Variants in TENM4 observed in about 807,000 individuals in gnomAD.
The protein encoded by TENM4 is teneurin transmembrane protein 4, also known as teneurin-4.
In TENM4, 82 loss-of-function variants were observed where a neutral mutation model predicts 243.3. The ratio of observed to expected loss-of-function variants is 0.34; its 90% CI spans 0.28 to 0.40. The LOEUF is 0.40. TENM4 is among the 10% of genes least tolerant of loss of function. The probability of loss-of-function intolerance (pLI) is 1.00; values close to 1 mark genes in which losing one functional copy is unlikely to be tolerated. For synonymous variants in TENM4, 1,412 were observed against 1,456.3 expected (o/e 0.97, Z 0.69); for missense variants, 3,138 against 3,673.3 (o/e 0.85, Z 3.77).
intron 28 of TENM4, among the ~76,000 whole-genome samples, chr11:78,693,939 C>T (rs908631595): frequency 2.0e-5 from 3 of 152,018 alleles, no homozygotes; most frequent in East Asian, 3.9e-4. Context: ...TGATTGAACC[C>T]GGGAGACAGA....
intron 6 of TENM4, among the ~76,000 whole-genome samples, chr11:79,053,096 A>T (rs1030329291): frequency 3.9e-5 from 6 of 152,246 alleles, no homozygotes. Flanking sequence ...ACAAGAAGAT[A>T]GTAATTATAT....
chr11:78,917,659 C>T (rs1339006492), intron 6 of TENM4, among the ~76,000 whole-genome samples: 1 of 152,134 alleles, frequency 6.6e-6, no homozygotes, highest in East Asian at 1.9e-4. Context: ...AATAATAATA[C>T]CAATGATGGC....
intron 18 of TENM4, among the ~76,000 whole-genome samples, chr11:78,763,037 C>T (rs767265285): frequency 3.9e-5 from 6 of 152,118 alleles, no homozygotes; most frequent in Non-Finnish European, 8.8e-5. Flanking sequence ...ATATATCATA[C>T]GTAAGTTGGT....
intron 29 of TENM4, 148 bp downstream of exon 29, chr11:78,687,906 T>G: frequency 1.2e-6 from 1 of 808,904 alleles, no homozygotes; most frequent in Non-Finnish European, 1.9e-6. Flanking sequence ...GGCTGGTATA[T>G]TTTGCAAATT....
Position 78,686,071 on chromosome 11 carries a change from A to G in TENM4, c.5260+1983T>C, listed in dbSNP as rs546350050. Among the ~76,000 whole-genome samples the G allele has an allele frequency of 2.0e-5, 3 of 152,352 alleles. No homozygotes were observed. The South Asian group carries it at 6.2e-4, about 32-fold the overall frequency. ...CAGGACTCTAATCTGACTGTGGGTC[A>G]TAAGACGTACTTTCAGAGGGGATCC... On this transcript the variant is annotated intron_variant, in intron 29 of 33. Coordinates refer to ENST00000278550, the MANE Select transcript of TENM4 (RefSeq NM_001098816.3).
intron 3 of TENM4, among the ~76,000 whole-genome samples, chr11:79,177,027 C>G (rs544720904): frequency 6.6e-6 from 1 of 152,166 alleles, no homozygotes; most frequent in Non-Finnish European, 1.5e-5. Flanking sequence ...ATACCCCTGA[C>G]AGACTAAACT....
At chr11:79,223,026 C>T (rs1192696311) in intron 2 of TENM4, among the ~76,000 whole-genome samples, 1 of 152,004 alleles carries the variant, frequency 6.6e-6, no homozygotes, top group Non-Finnish European at 1.5e-5. Flanking sequence ...ATAGCTAATG[C>T]ATGTGGGGAT....
chr11:78,802,425 G>A (rs181553244), intron 15 of TENM4, among the ~76,000 whole-genome samples: 24 of 152,378 alleles, frequency 1.6e-4, no homozygotes, highest in Admixed American at 9.1e-4. Context: ...GAAGCAGGGT[G>A]GAACCCAGGC....
rs148031912 is a variant in TENM4 at position 78,743,334 on chromosome 11, T to C, written c.2757-4764A>G. ...AAGACAGGGACCAACCACATGTCCC[T>C]TACTGCTATATTCCCAGCATTGATC... On this transcript the variant is annotated intron_variant, in intron 19 of 33. Coordinates refer to ENST00000278550, the MANE Select transcript of TENM4 (RefSeq NM_001098816.3). Among the ~76,000 whole-genome samples, 3 of 152,194 alleles carry C rather than the reference T, an allele frequency of 2.0e-5. No individual in the cohort carries two copies. In the East Asian group the frequency reaches 5.8e-4, roughly 29 times the overall value.
intron 6 of TENM4, among the ~76,000 whole-genome samples, chr11:78,968,037 C>T (rs557390498): frequency 2.2e-4 from 34 of 152,288 alleles, no homozygotes; most frequent in South Asian, 8.3e-4. Context: ...TTATGAATGA[C>T]GTGGTGCCCT....
At chr11:79,223,689 T>A (rs1163679801) in intron 2 of TENM4, among the ~76,000 whole-genome samples, 3 of 152,108 alleles carry the variant, frequency 2.0e-5, no homozygotes, top group Non-Finnish European at 4.4e-5. Flanking sequence ...TAAACCACAG[T>A]GTTTTTAACA....
chr11:79,025,585 T>A (rs897131666), intron 6 of TENM4, among the ~76,000 whole-genome samples: 6 of 152,186 alleles, frequency 3.9e-5, no homozygotes, highest in African/African-American at 1.4e-4. Context: ...GGTATTATTA[T>A]TATCTCTATT....
At chr11:79,375,869 GT>G (rs752530424) in intron 1 of TENM4, among the ~76,000 whole-genome samples, 5 of 152,188 alleles carry the variant, frequency 3.3e-5, no homozygotes, top group Non-Finnish European at 4.4e-5. Flanking sequence ...AGGGGGCGGT[GT>G]GGCTGGCAGT....
intron 1 of TENM4, among the ~76,000 whole-genome samples, chr11:79,404,828 T>A (rs1858533867): frequency 6.6e-6 from 1 of 151,662 alleles, no homozygotes; most frequent in South Asian, 2.1e-4. Context: ...TGGGGAATTG[T>A]AGAGCCGTAG....
At chr11:79,342,932 C>G (rs570307825) in intron 1 of TENM4, among the ~76,000 whole-genome samples, 1 of 152,352 alleles carries the variant, frequency 6.6e-6, no homozygotes, top group Admixed American at 6.5e-5. Context: ...CAAAACTGGG[C>G]CTCTGGGGGG....
At chr11:79,110,734 T>G (rs887565294) in intron 4 of TENM4, among the ~76,000 whole-genome samples, 5 of 152,134 alleles carry the variant, frequency 3.3e-5, no homozygotes, top group African/African-American at 1.2e-4. Context: ...CCTGGGAGGA[T>G]GGATGGCATG....
chr11:78,688,362 C>T, intron 28 of TENM4, 136 bp from the exon 29 acceptor site: 1 of 952,538 alleles, frequency 1.0e-6, no homozygotes, highest in Non-Finnish European at 1.6e-6. Context: ...ATGTCTCCCA[C>T]ATATCTTGCA....
chr11:79,038,602 C>T (rs1294188716), intron 6 of TENM4, among the ~76,000 whole-genome samples: 1 of 152,188 alleles, frequency 6.6e-6, no homozygotes, highest in Non-Finnish European at 1.5e-5. Flanking sequence ...GAGCAACACA[C>T]AGGCAGTTGA....
At chr11:78,667,669 G>T (rs78023475) in intron 32 of TENM4, among the ~76,000 whole-genome samples, 4,285 of 152,210 alleles carry the variant, frequency 0.028, 206 homozygotes, top group African/African-American at 0.098. Flanking sequence ...CCCTTACAGT[G>T]AGAATTCCTG....
Sources: allele counts gnomAD v4.1 joint callset (sites outside exome capture counted in the v4.1 genomes callset), GRCh38; gene constraint gnomAD v4.1.1; transcripts MANE v1.5; gene names NCBI Gene and HGNC (gene_info 2026-07-23, HGNC 2026-07-21).